Variants in PIP4K2A observed in about 807,000 individuals in gnomAD.
The protein encoded by PIP4K2A is phosphatidylinositol-5-phosphate 4-kinase type 2 alpha, also known as phosphatidylinositol 5-phosphate 4-kinase type-2 alpha.
PIP4K2A carries 14 observed loss-of-function variants against 42.9 expected under a neutral mutation model. The ratio of observed to expected loss-of-function variants is 0.33; its 90% CI spans 0.22 to 0.51. The LOEUF (loss-of-function observed/expected upper bound fraction) is 0.51. Among genes scored for constraint, PIP4K2A ranks in the 20% least tolerant of loss-of-function variants. The pLI, the probability that PIP4K2A is intolerant of heterozygous loss-of-function variation, is 0.97. For missense variants in PIP4K2A, 434 were observed against 519.8 expected (o/e 0.83, Z 1.61); for synonymous variants, 192 against 192.2 (o/e 1.00, Z 0.01).
At chr10:22,581,907 T>G (rs1588641238) in intron 4 of PIP4K2A, among the ~76,000 whole-genome samples, 1 of 151,292 alleles carries the variant, frequency 6.6e-6, no homozygotes, top group Non-Finnish European at 1.5e-5. Flanking sequence ...AGTCCAGGAG[T>G]TTGAGACCAG....
intron 1 of PIP4K2A, among the ~76,000 whole-genome samples, chr10:22,698,088 T>C (rs549958914): frequency 3.3e-5 from 5 of 152,142 alleles, no homozygotes; most frequent in South Asian, 4.1e-4. Context: ...CTGGGAGAAG[T>C]GGGTCAGTTG....
chr10:22,609,821 T>A (rs1837990682), intron 1 of PIP4K2A, 104 bp from the exon 2 acceptor site: 2 of 662,076 alleles, frequency 3.0e-6, no homozygotes, highest in East Asian at 5.6e-5. Flanking sequence ...ACACAGGAAC[T>A]TCTCTTCCCA....
intron 4 of PIP4K2A, among the ~76,000 whole-genome samples, chr10:22,579,627 C>T (rs938914136): frequency 6.6e-6 from 1 of 152,070 alleles, no homozygotes; most frequent in Non-Finnish European, 1.5e-5. Flanking sequence ...CCATTCTGGC[C>T]GGGCATGGTG....
intron 5 of PIP4K2A, among the ~76,000 whole-genome samples, chr10:22,569,966 G>GA (rs1280382733): frequency 1.3e-5 from 2 of 151,926 alleles, no homozygotes; most frequent in African/African-American, 4.8e-5. Context: ...ATGAAACTGT[G>GA]AAAAAAGCAA....
intron 1 of PIP4K2A, among the ~76,000 whole-genome samples, chr10:22,693,757 C>G (rs995668221): frequency 2.6e-5 from 4 of 152,080 alleles, no homozygotes; most frequent in Non-Finnish European, 2.9e-5. Flanking sequence ...CGCTCTATCA[C>G]TGAGCACTGT....
intron 1 of PIP4K2A, among the ~76,000 whole-genome samples, chr10:22,611,726 T>C (rs1219222597): frequency 6.6e-6 from 1 of 152,244 alleles, no homozygotes; most frequent in Non-Finnish European, 1.5e-5. Flanking sequence ...TATGTATCCT[T>C]ATGCTATCAG....
intron 8 of PIP4K2A, among the ~76,000 whole-genome samples, chr10:22,541,467 G>A (rs1443415278): frequency 2.6e-5 from 4 of 152,202 alleles, no homozygotes; most frequent in Non-Finnish European, 5.9e-5. Flanking sequence ...ATGTATGTGT[G>A]CATATGTACA....
At position 22,593,281 on chromosome 10, in the gene PIP4K2A, T is replaced by C. The variant is rs181050331; in HGVS notation, c.340-1500A>G. Among the ~76,000 whole-genome samples, 373 of 152,254 alleles carry C rather than the reference T, an allele frequency of 2.4e-3. 1 individual carries two copies. The highest frequency in any genetic ancestry group is 3.6e-3 in the Non-Finnish European group (247 of 68,024). On this transcript the variant is annotated intron_variant, in intron 3 of 9. Transcript: ENST00000376573. ...AAGGCAAGCAGGCGCACCTGCCAGATGCAGAGTCCAGGCCACCAAGTAACT... is the reference window on the plus strand; with the variant it reads ...AAGGCAAGCAGGCGCACCTGCCAGACGCAGAGTCCAGGCCACCAAGTAACT...
At chr10:22,545,329 T>C (rs1836234768) in intron 7 of PIP4K2A, among the ~76,000 whole-genome samples, 1 of 152,248 alleles carries the variant, frequency 6.6e-6, no homozygotes, top group African/African-American at 2.4e-5. Flanking sequence ...GAAGGTCTAC[T>C]GGTTGACCTT....
intron 1 of PIP4K2A, among the ~76,000 whole-genome samples, chr10:22,709,858 G>C (rs371770230): frequency 6.6e-6 from 1 of 151,686 alleles, no homozygotes; most frequent in African/African-American, 2.4e-5. Context: ...AGATTAAAAA[G>C]AACAAAAAAA....
intron 1 of PIP4K2A, among the ~76,000 whole-genome samples, chr10:22,624,635 A>T (rs1838397632): frequency 1.3e-5 from 2 of 152,130 alleles, no homozygotes; most frequent in African/African-American, 4.8e-5. Context: ...AAATTCATGG[A>T]CCTTTGCAGG....
intron 1 of PIP4K2A, among the ~76,000 whole-genome samples, chr10:22,710,935 A>T (rs920866762): frequency 6.6e-6 from 1 of 152,220 alleles, no homozygotes; most frequent in African/African-American, 2.4e-5. Context: ...ATCTATTTAA[A>T]ACAAGTCTTG....
chr10:22,676,981 T>C (rs751838635), intron 1 of PIP4K2A, among the ~76,000 whole-genome samples: 1 of 152,182 alleles, frequency 6.6e-6, no homozygotes, highest in Non-Finnish European at 1.5e-5. Flanking sequence ...CCACCAATAC[T>C]AGAAATAGGA....
intron 1 of PIP4K2A, among the ~76,000 whole-genome samples, chr10:22,616,578 A>G (rs1838181810): frequency 6.6e-6 from 1 of 152,218 alleles, no homozygotes; most frequent in Non-Finnish European, 1.5e-5. Context: ...GCTGAGCCCA[A>G]GATACTTTCA....
chr10:22,642,566 G>C lies in PIP4K2A; in HGVS notation c.145-32849C>G, dbSNP rs114537682. ...ATTTATAAACAGATCATGTGTGTCTGTATGTATATTTATATGTGTATTTAT... is the reference window on the plus strand; with the variant it reads ...ATTTATAAACAGATCATGTGTGTCTCTATGTATATTTATATGTGTATTTAT... On this transcript the variant is annotated intron_variant, in intron 1 of 9. Coordinates refer to ENST00000376573, the MANE Select transcript of PIP4K2A (RefSeq NM_005028.5). Among the ~76,000 whole-genome samples, 787 of 124,922 alleles carry C rather than the reference G, an allele frequency of 6.3e-3. 9 individuals are homozygous for C. The highest frequency in any genetic ancestry group is 0.022 in the African/African-American group (744 of 33,288). The allele number at this position is 124,922 out of a possible 152,430, so 82.0% of individuals were successfully genotyped here.
intron 1 of PIP4K2A, among the ~76,000 whole-genome samples, chr10:22,624,710 G>A (rs1325715018): frequency 6.6e-6 from 1 of 152,062 alleles, no homozygotes; most frequent in Non-Finnish European, 1.5e-5. Context: ...CACACTTTAC[G>A]CTTCCTTTCA....
chr10:22,573,359 T>C lies in PIP4K2A; in HGVS notation c.591A>G (p.Arg197=), dbSNP rs755412627. 1 of 1,613,632 alleles carries C rather than the reference T, an allele frequency of 6.2e-7. No individual in the cohort carries two copies. Among genetic ancestry groups the C allele is most frequent in the Non-Finnish European group, 8.5e-7 (1 of 1,179,656 alleles). ...DGVEIYVIVT[R]NVFSHRLSVY... ...CAGACAAACGGTGGCTGAATACATT[T>C]CTTGTAACTATCACATATATTTCAA... Residue 197 remains arginine (R), a synonymous_variant, in exon 5 of 10, where the codon AGA becomes AGG. Coordinates refer to ENST00000376573, the MANE Select transcript of PIP4K2A (RefSeq NM_005028.5).
At chr10:22,686,101 G>C (rs573989236) in intron 1 of PIP4K2A, among the ~76,000 whole-genome samples, 2 of 152,270 alleles carry the variant, frequency 1.3e-5, no homozygotes, top group African/African-American at 4.8e-5. Context: ...GTGCTTTTGA[G>C]TGTTTATCCA....
At chr10:22,538,628 C>T (rs2130734547) in intron 9 of PIP4K2A, among the ~76,000 whole-genome samples, 1 of 152,308 alleles carries the variant, frequency 6.6e-6, no homozygotes, top group East Asian at 1.9e-4. Flanking sequence ...CAGAGGTGAG[C>T]ATCAGAATGA....
Sources: gnomAD v4.1 joint callset for allele counts (sites outside exome capture counted in the v4.1 genomes callset) on GRCh38, gnomAD v4.1.1 for gene constraint, MANE v1.5 for transcripts, NCBI Gene and HGNC (gene_info 2026-07-23, HGNC 2026-07-21) for gene names.